The following TMEM154 variants were observed in gnomAD, a reference collection of about 807,000 sequenced individuals.
The protein encoded by TMEM154 is transmembrane protein 154.
Under a neutral mutation model 24.5 loss-of-function variants are expected in TMEM154, and 27 were observed. The ratio of observed to expected loss-of-function variants is 1.10; its 90% confidence interval spans 0.81 to 1.52. The LOEUF (loss-of-function observed/expected upper bound fraction) is 1.52, where lower values mean the gene tolerates loss of function less well. Among genes scored for constraint, TMEM154 ranks in the 40% most tolerant of loss-of-function variants. TMEM154 has a pLI of 0.00. For missense variants in TMEM154, 228 were observed against 213.4 expected (o/e 1.07, Z -0.43); for synonymous variants, 67 against 76.8 (o/e 0.87, Z 0.67).
intron 3 of TMEM154, chr4:152,647,322 T>C (rs1728273035): frequency 1.0e-6 from 1 of 985,050 alleles, no homozygotes; most frequent in Admixed American, 6.2e-5. Context: ...GATAGTTGTA[T>C]TTTACCTGAA....
chr4:152,664,857 G>A (rs1449276653), intron 1 of TMEM154, among the ~76,000 whole-genome samples: 1 of 152,194 alleles, frequency 6.6e-6, no homozygotes, highest in Non-Finnish European at 1.5e-5. Flanking sequence ...GCGTTGTGGA[G>A]TAACTGACAT....
rs1751812552 is a variant in TMEM154 at position 152,619,452 on chromosome 4, T to C, written c.*9094A>G. 1 of 152,264 alleles carries C rather than the reference T, an allele frequency of 6.6e-6. No homozygotes were observed. The highest frequency in any genetic ancestry group is 6.5e-5 in the Admixed American group (1 of 15,286). 9.4% of individuals were successfully genotyped at this position (152,264 alleles called of 1,614,324 possible). The stretch of plus-strand genomic sequence containing the variant: ...CTTATCCCACTTGCTCTTCTCATAA[T>C]GTGGCTTTGACACGCCTCCAAGGAC... On this transcript the variant is annotated 3_prime_UTR_variant, in exon 7 of 7. Transcript: ENST00000304385.
intron 1 of TMEM154, among the ~76,000 whole-genome samples, chr4:152,661,630 T>C (rs1728615107): frequency 6.6e-6 from 1 of 152,178 alleles, no homozygotes; most frequent in South Asian, 2.1e-4. Flanking sequence ...TCTGCCACTT[T>C]GTACTTATAG....
At chr4:152,646,561 C>T (rs181302137) in intron 3 of TMEM154, 1 of 190,528 alleles carries the variant, frequency 5.2e-6, no homozygotes, top group East Asian at 1.5e-4. Flanking sequence ...CACCTATTCC[C>T]TTTGCAACCA....
rs144318977 is a variant in TMEM154 at position 152,674,225 on chromosome 4, C to T, written c.64+5645G>A. 3.0e-3 allele frequency among the ~76,000 whole-genome samples: 450 copies of T among 152,054 alleles called. 9 individuals carry two copies. The highest frequency in any genetic ancestry group is 0.011 in the East Asian group (57 of 5,162). ...CGCATTTCCTCAACAAAGGTGTGGG[C>T]CCAGGGAGATAACAGGCTATATAAT... is the stretch of plus-strand genomic sequence containing the variant. On this transcript the variant is annotated intron_variant, in intron 1 of 6. Coordinates refer to ENST00000304385, the MANE Select transcript of TMEM154 (RefSeq NM_152680.3).
At chr4:152,634,670 C>T (rs897805752) in intron 6 of TMEM154, among the ~76,000 whole-genome samples, 5 of 152,262 alleles carry the variant, frequency 3.3e-5, no homozygotes, top group African/African-American at 7.2e-5. Flanking sequence ...CACACACACA[C>T]GTGCGCACGT....
chr4:152,673,228 A>T (rs961487760), intron 1 of TMEM154, among the ~76,000 whole-genome samples: 2 of 152,178 alleles, frequency 1.3e-5, no homozygotes, highest in African/African-American at 2.4e-5. Context: ...TTAAATAAGT[A>T]TAATTATTCT....
chr4:152,640,899 A>G, intron 6 of TMEM154, 29 bp downstream of exon 6: 1 of 1,334,698 alleles, frequency 7.5e-7, no homozygotes, highest in Non-Finnish European at 1.0e-6. Context: ...CGCCATATAC[A>G]TGTAATCTGT....
chr4:152,670,543 A>C (rs138696476), intron 1 of TMEM154, among the ~76,000 whole-genome samples: 1 of 152,172 alleles, frequency 6.6e-6, no homozygotes, highest in African/African-American at 2.4e-5. Flanking sequence ...TTGCAGGAGC[A>C]GAGATTGCAC....
chr4:152,636,972 T>C (rs1386396379), intron 6 of TMEM154, among the ~76,000 whole-genome samples: 2 of 152,224 alleles, frequency 1.3e-5, no homozygotes, highest in Non-Finnish European at 2.9e-5. Flanking sequence ...GGAAGAATCA[T>C]GCACAAGGTA....
At chr4:152,649,599 A>G (rs1728334144) in intron 3 of TMEM154, among the ~76,000 whole-genome samples, 1 of 152,226 alleles carries the variant, frequency 6.6e-6, no homozygotes, top group African/African-American at 2.4e-5. Flanking sequence ...AAAATCTGTA[A>G]CAGAAATATA....
intron 6 of TMEM154, 87 bp downstream of exon 6, chr4:152,640,841 G>C: frequency 2.7e-6 from 3 of 1,123,546 alleles, no homozygotes; most frequent in Non-Finnish European, 4.0e-6. Context: ...AGGCACGGAG[G>C]AGGTAAGCAA....
intron 1 of TMEM154, 49 bp from the exon 2 acceptor site, chr4:152,652,976 A>G: frequency 6.6e-7 from 1 of 1,509,892 alleles, no homozygotes; most frequent in Non-Finnish European, 8.9e-7. Flanking sequence ...CAAAGTTAGT[A>G]TGTTATATTG....
intron 3 of TMEM154, chr4:152,647,155 C>T (rs1233673383): frequency 2.0e-6 from 2 of 980,246 alleles, no homozygotes; most frequent in African/African-American, 3.5e-5. Context: ...GACTTATTTC[C>T]TAGTATAGTA....
intron 1 of TMEM154, among the ~76,000 whole-genome samples, chr4:152,673,241 G>A (rs1308685030): frequency 1.3e-5 from 2 of 151,846 alleles, no homozygotes; most frequent in African/African-American, 4.8e-5. Context: ...ATTATTCTAT[G>A]CATAGTAATC....
intron 1 of TMEM154, among the ~76,000 whole-genome samples, chr4:152,678,107 A>G (rs566810055): frequency 1.9e-4 from 29 of 152,314 alleles, no homozygotes; most frequent in Non-Finnish European, 2.9e-4. Context: ...GAATGTATTC[A>G]TTATAGGCAA....
rs1751815614 is a variant in TMEM154 at position 152,619,684 on chromosome 4, C to T, written c.*8862G>A. ...AGCCCAAGGAGTCTATGGAGAGGCC[C>T]ACATCATAAAAGCCAAGGCCGCTGG... is the stretch of plus-strand genomic sequence containing the variant. On this transcript the variant is annotated 3_prime_UTR_variant, in exon 7 of 7. Coordinates refer to ENST00000304385, the MANE Select transcript of TMEM154 (RefSeq NM_152680.3). 5 of 152,126 alleles carry T rather than the reference C, an allele frequency of 3.3e-5. No homozygotes were observed. The South Asian group carries it at 8.3e-4, about 25-fold the overall frequency. 9.4% of individuals were successfully genotyped at this position (152,126 alleles called of 1,614,324 possible).
intron 1 of TMEM154, among the ~76,000 whole-genome samples, chr4:152,673,256 TTTTC>T (rs1370170914): frequency 1.3e-5 from 2 of 152,114 alleles, no homozygotes; most frequent in African/African-American, 4.8e-5. Context: ...GTAATCCTTT[TTTTC>T]TTTTTTTTTT....
intron 3 of TMEM154, among the ~76,000 whole-genome samples, chr4:152,646,256 C>A (rs1410004743): frequency 6.6e-6 from 1 of 152,122 alleles, no homozygotes; most frequent in Non-Finnish European, 1.5e-5. Flanking sequence ...TGAGCAAAAG[C>A]TAGCCTGCAA....
Sources: allele counts gnomAD v4.1 joint callset (sites outside exome capture counted in the v4.1 genomes callset), GRCh38; gene constraint gnomAD v4.1.1; transcripts MANE v1.5; gene names NCBI Gene and HGNC (gene_info 2026-07-23, HGNC 2026-07-21).